TCF12: variants seen among roughly 807,000 people sequenced by gnomAD.
TCF12 encodes DNA-binding protein HTF4.
Under a neutral mutation model 86.0 loss-of-function variants are expected in TCF12, and 45 were observed. That is an observed-to-expected ratio of 0.52 (90% CI 0.41 to 0.67). TCF12 has a LOEUF of 0.67. TCF12 is among the 30% of genes least tolerant of loss of function. TCF12 has a pLI of 0.00. For synonymous variants in TCF12, 330 were observed against 299.6 expected (o/e 1.10, Z -1.05); for missense variants, 881 against 859.9 (o/e 1.02, Z -0.31).
chr15:56,936,142 A>G (rs941129816), intron 3 of TCF12, among the ~76,000 whole-genome samples: 9 of 151,688 alleles, frequency 5.9e-5, no homozygotes, highest in Non-Finnish European at 1.2e-4. Flanking sequence ...TACCGCATCT[A>G]TTATCTTTTT....
intron 3 of TCF12, among the ~76,000 whole-genome samples, chr15:57,047,306 C>A (rs573996193): frequency 6.6e-6 from 1 of 152,166 alleles, no homozygotes; most frequent in East Asian, 1.9e-4. Context: ...AGATTTTAGC[C>A]CTTCACTTGT....
chr15:57,127,770 T>C (rs1361911243), intron 5 of TCF12, among the ~76,000 whole-genome samples: 1 of 152,208 alleles, frequency 6.6e-6, no homozygotes, highest in East Asian at 1.9e-4. Flanking sequence ...TCCCTACTTA[T>C]TCTTCACTAT....
chr15:57,254,495 A>G (rs2060255614), intron 16 of TCF12, among the ~76,000 whole-genome samples: 1 of 152,134 alleles, frequency 6.6e-6, no homozygotes, highest in Non-Finnish European at 1.5e-5. Context: ...CTTGAAAATC[A>G]GTCTCCTTTT....
chr15:56,934,737 A>G (rs1438374591), intron 3 of TCF12, among the ~76,000 whole-genome samples: 5 of 152,198 alleles, frequency 3.3e-5, no homozygotes, highest in Non-Finnish European at 5.9e-5. Flanking sequence ...GGAATTGACA[A>G]ATCCAAAGTA....
At chr15:57,205,234 T>G (rs1181186886) in intron 8 of TCF12, among the ~76,000 whole-genome samples, 2 of 151,970 alleles carry the variant, frequency 1.3e-5, no homozygotes, top group African/African-American at 4.8e-5. Context: ...ACCCTAGAGG[T>G]TGAGATTGCA....
chr15:57,046,306 A>G (rs372925016), intron 3 of TCF12, among the ~76,000 whole-genome samples: 39 of 152,284 alleles, frequency 2.6e-4, no homozygotes, highest in African/African-American at 8.9e-4. Flanking sequence ...TGAGTTTGTC[A>G]CCTTACATAG....
chr15:57,009,352 C>G (rs1267373146), intron 3 of TCF12, among the ~76,000 whole-genome samples: 1 of 152,120 alleles, frequency 6.6e-6, no homozygotes, highest in Non-Finnish European at 1.5e-5. Flanking sequence ...CTCAAGCAGT[C>G]TGTCCTCCTC....
intron 16 of TCF12, among the ~76,000 whole-genome samples, chr15:57,260,966 A>G (rs1567006240): frequency 6.6e-6 from 1 of 152,152 alleles, no homozygotes; most frequent in African/African-American, 2.4e-5. Flanking sequence ...TAGGGGAACA[A>G]CCAAATACTA....
chr15:57,216,251 G>A (rs964646422), intron 8 of TCF12, among the ~76,000 whole-genome samples: 2 of 152,062 alleles, frequency 1.3e-5, no homozygotes, highest in African/African-American at 2.4e-5. Context: ...TATTTTGTCA[G>A]GGTCCTCTGG....
At chr15:56,963,379 T>G (rs1210695728) in intron 3 of TCF12, among the ~76,000 whole-genome samples, 1 of 152,236 alleles carries the variant, frequency 6.6e-6, no homozygotes, top group Non-Finnish European at 1.5e-5. Flanking sequence ...TATGAAATTT[T>G]GACAGTATAT....
At chr15:57,001,937 C>A (rs899865849) in intron 3 of TCF12, among the ~76,000 whole-genome samples, 1 of 152,150 alleles carries the variant, frequency 6.6e-6, no homozygotes, top group Admixed American at 6.5e-5. Flanking sequence ...ACAACCCTTA[C>A]ATAACTGTCC....
At chr15:57,061,380 G>A (rs2068446999) in intron 3 of TCF12, among the ~76,000 whole-genome samples, 1 of 152,054 alleles carries the variant, frequency 6.6e-6, no homozygotes, top group African/African-American at 2.4e-5. Flanking sequence ...ATCGCTGGAG[G>A]CCAGGAGTTC....
chr15:57,059,241 G>C (rs188191834), intron 3 of TCF12, among the ~76,000 whole-genome samples: 7 of 152,316 alleles, frequency 4.6e-5, no homozygotes, highest in Non-Finnish European at 7.4e-5. Flanking sequence ...GGGAGAAAAA[G>C]AGAGAAATGT....
rs1420522860 is a variant in TCF12, at chr15:57,263,348, T to C, written c.1745+74T>C. On this transcript the variant is annotated intron_variant, in intron 18 of 20. Coordinates refer to ENST00000333725, the MANE Select transcript of TCF12 (RefSeq NM_207037.2). ...AACATACTTGAGAAGCTGGGTGTCA[T>C]GCATTTATTAACTGTCAGCTATGTT... 2.7e-6 allele frequency: 4 copies of C among 1,470,756 alleles called. No homozygotes were observed. The East Asian group carries it at 6.8e-5, about 25-fold the overall frequency. The allele number at this position is 1,470,756 out of a possible 1,614,324, so 91.1% of individuals were successfully genotyped here.
At chr15:57,229,642 T>G (rs145528793) in intron 8 of TCF12, among the ~76,000 whole-genome samples, 1 of 152,052 alleles carries the variant, frequency 6.6e-6, no homozygotes, top group African/African-American at 2.4e-5. Flanking sequence ...TGAACAGCAT[T>G]TGAGTAGTGA....
At chr15:56,998,822 A>AGG (rs1435820749) in intron 3 of TCF12, among the ~76,000 whole-genome samples, 1 of 152,210 alleles carries the variant, frequency 6.6e-6, no homozygotes, top group East Asian at 1.9e-4. Flanking sequence ...AATTGAACTT[A>AGG]CAAAAAATAT....
chr15:57,066,238 A>G (rs2068864443), intron 4 of TCF12, among the ~76,000 whole-genome samples: 1 of 152,120 alleles, frequency 6.6e-6, no homozygotes, highest in Middle Eastern at 3.2e-3. Flanking sequence ...TTCTTTCATA[A>G]TCATAAGCAT....
At chr15:57,060,374 G>A (rs191193225) in intron 3 of TCF12, among the ~76,000 whole-genome samples, 3 of 152,206 alleles carry the variant, frequency 2.0e-5, no homozygotes, top group East Asian at 3.9e-4. Context: ...TGACTTAATT[G>A]ATTCCATTCA....
At chr15:57,039,045 C>G (rs576229103) in intron 3 of TCF12, among the ~76,000 whole-genome samples, 2 of 152,152 alleles carry the variant, frequency 1.3e-5, no homozygotes, top group Non-Finnish European at 1.5e-5. Context: ...TCAAATGATA[C>G]TTTCCCCTTA....
Sources: gnomAD v4.1 joint callset for allele counts (sites outside exome capture counted in the v4.1 genomes callset) on GRCh38, gnomAD v4.1.1 for gene constraint, MANE v1.5 for transcripts, NCBI Gene and HGNC (gene_info 2026-07-23, HGNC 2026-07-21) for gene names.